PARD3B: variants seen among roughly 807,000 people sequenced by gnomAD.
The protein encoded by PARD3B is partitioning defective 3 homolog B.
A neutral mutation model predicts 130.2 loss-of-function variants in PARD3B; 103 were observed. That is an observed-to-expected ratio of 0.79 (90% CI 0.67 to 0.93). The LOEUF is 0.93. Ranked by LOEUF, PARD3B falls within the 40% of genes least tolerant of loss-of-function variation. PARD3B has a pLI of 0.00. For synonymous variants in PARD3B, 583 were observed against 553.2 expected, an observed-to-expected ratio of 1.05 and a Z score of -0.76; for missense variants, 1,609 against 1,499.2, an observed-to-expected ratio of 1.07 and a Z score of -1.21.
At chr2:205,497,351 T>G (rs931419573) in intron 20 of PARD3B, among the ~76,000 whole-genome samples, 2 of 150,910 alleles carry the variant, frequency 1.3e-5, no homozygotes, top group Non-Finnish European at 2.9e-5. Flanking sequence ...AAGACAGAGG[T>G]ACATCATCCA....
At chr2:205,175,963 G>C (rs769411248) in intron 12 of PARD3B, among the ~76,000 whole-genome samples, 1 of 152,302 alleles carries the variant, frequency 6.6e-6, no homozygotes, top group East Asian at 1.9e-4. Context: ...CCTGGCCAAA[G>C]ACCTAGTATC....
At chr2:205,346,058 C>T (rs201779878) in intron 18 of PARD3B, among the ~76,000 whole-genome samples, 21 of 144,422 alleles carry the variant, frequency 1.5e-4, no homozygotes, top group African/African-American at 4.2e-4. Flanking sequence ...GTAGTCCCAG[C>T]TACTCGGGAG....
At chr2:204,942,423 C>T (rs1217341695) in intron 2 of PARD3B, among the ~76,000 whole-genome samples, 2 of 151,902 alleles carry the variant, frequency 1.3e-5, no homozygotes, top group East Asian at 3.9e-4. Flanking sequence ...TAAACCTTAC[C>T]AGATTCTGTG....
intron 14 of PARD3B, among the ~76,000 whole-genome samples, chr2:205,189,496 G>C (rs2036277579): frequency 1.3e-5 from 2 of 152,110 alleles, no homozygotes; most frequent in Non-Finnish European, 2.9e-5. Flanking sequence ...CTTTATCTAA[G>C]ACATGTCTTT....
intron 15 of PARD3B, among the ~76,000 whole-genome samples, chr2:205,231,574 T>C (rs1248062714): frequency 6.6e-6 from 1 of 151,464 alleles, no homozygotes; most frequent in Non-Finnish European, 1.5e-5. Flanking sequence ...TGGACTCAAG[T>C]GATCCACCTA....
rs1038906768 is a variant in PARD3B at position 205,617,476 on chromosome 2, C to T, written c.*1663C>T. The T allele has an allele frequency of 3.3e-5, 5 of 152,150 alleles. No homozygotes were observed. The highest frequency in any genetic ancestry group is 1.2e-4 in the African/African-American group (5 of 41,430). 9.4% of individuals were successfully genotyped at this position (152,150 alleles called of 1,614,324 possible). A position where few individuals can be genotyped will look rare whatever the true frequency, so the allele number is the denominator to read the frequency against. ...TCCCTCTACCCCAGCTTACTCTTAT[C>T]TTTTTAATTTAAAATAGTATTCTGC... On this transcript the variant is annotated 3_prime_UTR_variant, in exon 23 of 23. Coordinates refer to ENST00000406610, the MANE Select transcript of PARD3B (RefSeq NM_001302769.2).
At position 205,253,944 on chromosome 2, in the gene PARD3B, T is replaced by G. The variant is rs528082958; in HGVS notation, c.2185+8122T>G. On this transcript the variant is annotated intron_variant, in intron 16 of 22. Coordinates refer to ENST00000406610, the MANE Select transcript of PARD3B (RefSeq NM_001302769.2). The surrounding 1 kb of genome is among the most constrained non-coding windows in gnomAD (Gnocchi z 4.4). Reference sequence around the variant, plus strand: ...GGTGGTTTGAAAGAAGAGGTTGGGTTGAAAATGAACAGTATTTTGTCAACC... The same window carrying G: ...GGTGGTTTGAAAGAAGAGGTTGGGTGGAAAATGAACAGTATTTTGTCAACC... 1.2e-3 allele frequency among the ~76,000 whole-genome samples: 176 copies of G among 152,046 alleles called. 2 individuals carry two copies. Among genetic ancestry groups the G allele is most frequent in the Non-Finnish European group, 1.9e-3 (130 of 67,964 alleles).
rs1175183696 is a variant in PARD3B, at chr2:205,440,574, C to T, written c.2946C>T (p.Tyr982=). Residue 982 remains tyrosine (Y), a synonymous_variant, in exon 20 of 23, where the codon TAC becomes TAT. Coordinates refer to ENST00000406610, the MANE Select transcript of PARD3B (RefSeq NM_001302769.2). The surrounding 1 kb of genome is among the most constrained non-coding windows in gnomAD (Gnocchi z 4.2). ...PSPPRAGPFG[Y]PRDGHPLSPE... is the part of the protein sequence containing the mutation. ...CCCCTCGAGCTGGACCATTTGGTTA[C>T]CCTCGGGATGGCCATCCACTGTCTC... The T allele has an allele frequency of 6.2e-7, 1 of 1,614,052 alleles. No individual in the cohort carries two copies. Among genetic ancestry groups the T allele is most frequent in the Non-Finnish European group, 8.5e-7 (1 of 1,179,954 alleles).
intron 3 of PARD3B, among the ~76,000 whole-genome samples, chr2:204,965,931 C>T (rs1691202179): frequency 2.0e-5 from 3 of 152,098 alleles, no homozygotes; most frequent in Admixed American, 2.0e-4. Context: ...GGTGATACCT[C>T]CTAAAGATAA....
chr2:205,592,837 T>C lies in PARD3B; in HGVS notation c.3261-22619T>C, dbSNP rs1431654370. 6.6e-6 allele frequency among the ~76,000 whole-genome samples: 1 copy of C among 152,232 alleles called. No homozygotes were observed. The highest frequency in any genetic ancestry group is 1.5e-5 in the Non-Finnish European group (1 of 68,036). The stretch of plus-strand genomic sequence containing the variant: ...TCTGAGCTACTTGCCCAAACCGAAC[T>C]CTGTCTTCAAGGTTCCCTTAATGCA... On this transcript the variant is annotated intron_variant, in intron 22 of 22. Coordinates refer to ENST00000406610, the MANE Select transcript of PARD3B (RefSeq NM_001302769.2). The surrounding 1 kb of genome is among the most constrained non-coding windows in gnomAD (Gnocchi z 4.5).
At chr2:205,294,544 G>GC (rs1294213087) in intron 16 of PARD3B, among the ~76,000 whole-genome samples, 1 of 152,070 alleles carries the variant, frequency 6.6e-6, no homozygotes, top group Non-Finnish European at 1.5e-5. Context: ...CACTTGAAGG[G>GC]CCATGCTCAT....
intron 20 of PARD3B, among the ~76,000 whole-genome samples, chr2:205,493,729 T>C (rs3965172): frequency 2.1e-4 from 7 of 33,756 alleles, no homozygotes; most frequent in East Asian, 6.0e-4. Context: ...TGTATGTATT[T>C]ATTTATTTAT....
intron 3 of PARD3B, among the ~76,000 whole-genome samples, chr2:205,007,162 C>G (rs142554218): frequency 1.3e-5 from 2 of 152,110 alleles, no homozygotes; most frequent in African/African-American, 4.8e-5. Context: ...CCCCTGCTTG[C>G]TCTTCTCCTT....
intron 2 of PARD3B, among the ~76,000 whole-genome samples, chr2:204,746,851 G>A (rs951681364): frequency 1.2e-4 from 18 of 152,006 alleles, no homozygotes; most frequent in South Asian, 1.0e-3. Flanking sequence ...AAATTTGTTT[G>A]AGTTCTTTGT....
chr2:204,746,449 C>A (rs2040233252), intron 2 of PARD3B, among the ~76,000 whole-genome samples: 1 of 151,966 alleles, frequency 6.6e-6, no homozygotes. Flanking sequence ...CATACGTGTG[C>A]ATGTGTCTTT....
chr2:204,702,302 T>C (rs949579460), intron 2 of PARD3B, among the ~76,000 whole-genome samples: 2 of 152,198 alleles, frequency 1.3e-5, no homozygotes, highest in African/African-American at 2.4e-5. Context: ...TATTTGTAGT[T>C]CTTTGAGAAA....
intron 1 of PARD3B, among the ~76,000 whole-genome samples, chr2:204,557,427 C>A (rs922059852): frequency 2.6e-5 from 4 of 152,154 alleles, no homozygotes; most frequent in Non-Finnish European, 5.9e-5. Flanking sequence ...TCAGAAATTT[C>A]CTTTGATGCT....
chr2:204,911,234 TAGAGC>T (rs2047224690), intron 2 of PARD3B, among the ~76,000 whole-genome samples: 1 of 152,164 alleles, frequency 6.6e-6, no homozygotes, highest in African/African-American at 2.4e-5. Flanking sequence ...CCAGTTGTGC[TAGAGC>T]AGGGAGAGCA....
chr2:204,881,209 G>A (rs1262768336), intron 2 of PARD3B, among the ~76,000 whole-genome samples: 1 of 152,220 alleles, frequency 6.6e-6, no homozygotes, highest in South Asian at 2.1e-4. Flanking sequence ...TGCCAATATT[G>A]TTAATATGTA....
Sources: allele counts gnomAD v4.1 joint callset (sites outside exome capture counted in the v4.1 genomes callset), GRCh38; gene constraint gnomAD v4.1.1; non-coding constraint Gnocchi (gnomAD v3.1); transcripts MANE v1.5; gene names NCBI Gene and HGNC (gene_info 2026-07-23, HGNC 2026-07-21).